The following STK32B variants were observed in gnomAD, a reference collection of about 807,000 sequenced individuals.
STK32B encodes serine/threonine-protein kinase 32B.
Under a neutral mutation model 52.6 loss-of-function variants are expected in STK32B, and 43 were observed. That is an observed-to-expected ratio of 0.82 (90% CI 0.64 to 1.05). The LOEUF (loss-of-function observed/expected upper bound fraction) is 1.05. STK32B is among the 50% of genes least tolerant of loss of function. The pLI is 0.00. For synonymous variants in STK32B, 238 were observed against 204.3 expected (o/e 1.17, Z -1.41); for missense variants, 621 against 534.6 (o/e 1.16, Z -1.59).
At chr4:5,369,862 TA>T (rs200148476) in intron 4 of STK32B, among the ~76,000 whole-genome samples, 3,402 of 152,002 alleles carry the variant, frequency 0.022, 66 homozygotes, top group South Asian at 0.058. Flanking sequence ...TCAAAGAGTA[TA>T]TTTTTTTTGT....
At chr4:5,493,936 C>T (rs1719969428) in intron 11 of STK32B, among the ~76,000 whole-genome samples, 1 of 152,260 alleles carries the variant, frequency 6.6e-6, no homozygotes, top group Non-Finnish European at 1.5e-5. Context: ...GCACTGTGGT[C>T]TGAGAGACAG....
Position 5,470,964 on chromosome 4 carries a change from C to T in STK32B, c.1106+2894C>T, listed in dbSNP as rs1717808911. The stretch of plus-strand genomic sequence containing the variant: ...TTGTCGTCATGCTCCGCCTGGACCA[C>T]GTCCCCGGTCCCCAGCAGTTCCGCC... On this transcript the variant is annotated intron_variant, in intron 11 of 11. Coordinates refer to ENST00000282908, the MANE Select transcript of STK32B (RefSeq NM_018401.3). This position sits in a 1 kb window ranked among gnomAD's most constrained non-coding sequence, Gnocchi z 4.6. Among the ~76,000 whole-genome samples the T allele has an allele frequency of 6.6e-6, 1 of 152,236 alleles. No individual in the cohort carries two copies. The highest frequency in any genetic ancestry group is 2.4e-5 in the African/African-American group (1 of 41,470).
At chr4:5,381,534 G>A (rs1018819769) in intron 4 of STK32B, among the ~76,000 whole-genome samples, 63 of 152,342 alleles carry the variant, frequency 4.1e-4, no homozygotes, top group African/African-American at 1.5e-3. Flanking sequence ...CCAGTTCAGT[G>A]TGGCATGGAA....
chr4:5,445,099 C>T (rs1341586815), intron 6 of STK32B, among the ~76,000 whole-genome samples: 1 of 152,218 alleles, frequency 6.6e-6, no homozygotes, highest in Non-Finnish European at 1.5e-5. Context: ...TGCTGGCCCT[C>T]TCTGAACCTC....
chr4:5,482,713 G>T (rs1212675346), intron 11 of STK32B, among the ~76,000 whole-genome samples: 1 of 152,114 alleles, frequency 6.6e-6, no homozygotes, highest in Non-Finnish European at 1.5e-5. Flanking sequence ...GTATGATATT[G>T]GCTGTGGGTT....
chr4:5,420,319 G>A (rs570303986), intron 6 of STK32B, among the ~76,000 whole-genome samples: 1 of 152,208 alleles, frequency 6.6e-6, no homozygotes, highest in African/African-American at 2.4e-5. Flanking sequence ...CTCCAACAAG[G>A]CTTTTTTTGT....
At chr4:5,421,924 G>A (rs1712682807) in intron 6 of STK32B, among the ~76,000 whole-genome samples, 1 of 152,172 alleles carries the variant, frequency 6.6e-6, no homozygotes, top group Non-Finnish European at 1.5e-5. Flanking sequence ...GCCAGAATTT[G>A]AAGCCAAGTC....
chr4:5,270,326 A>G (rs1727340463), intron 3 of STK32B, among the ~76,000 whole-genome samples: 1 of 152,206 alleles, frequency 6.6e-6, no homozygotes, highest in Non-Finnish European at 1.5e-5. Context: ...GGAAGCATCC[A>G]GCACTGGAGA....
intron 5 of STK32B, among the ~76,000 whole-genome samples, chr4:5,409,146 A>G (rs1737861761): frequency 6.6e-6 from 1 of 152,106 alleles, no homozygotes; most frequent in Non-Finnish European, 1.5e-5. Context: ...CTTGGCTTTC[A>G]TGAAGTCTCA....
chr4:5,226,506 G>A (rs1723883493), intron 3 of STK32B, among the ~76,000 whole-genome samples: 1 of 152,146 alleles, frequency 6.6e-6, no homozygotes, highest in African/African-American at 2.4e-5. Flanking sequence ...TCTCATGCCT[G>A]CCCCGTCCAT....
At chr4:5,442,669 C>T (rs1296410651) in intron 6 of STK32B, among the ~76,000 whole-genome samples, 1 of 151,988 alleles carries the variant, frequency 6.6e-6, no homozygotes, top group African/African-American at 2.4e-5. Context: ...GGTTATTTTG[C>T]TCGTTAGTTG....
chr4:5,317,213 A>ACATATATATATTATATATATAG (rs1731059738), intron 3 of STK32B, among the ~76,000 whole-genome samples: 1 of 60,108 alleles, frequency 1.7e-5, no homozygotes, highest in Admixed American at 2.9e-4. Flanking sequence ...TATATATATA[A>ACATATATATATTATATATATAG]CATATATATA....
chr4:5,350,961 T>C (rs984685673), intron 4 of STK32B, among the ~76,000 whole-genome samples: 3 of 152,022 alleles, frequency 2.0e-5, no homozygotes, highest in African/African-American at 7.2e-5. Flanking sequence ...CACCCAGATA[T>C]ATAAAGCAAA....
At chr4:5,237,957 C>T (rs1724744966) in intron 3 of STK32B, among the ~76,000 whole-genome samples, 1 of 152,106 alleles carries the variant, frequency 6.6e-6, no homozygotes, top group African/African-American at 2.4e-5. Context: ...CAGTTGGAGG[C>T]CCTTTTTGCC....
chr4:5,163,538 C>CTCTGTG (rs1718614676), intron 2 of STK32B, among the ~76,000 whole-genome samples: 1 of 139,336 alleles, frequency 7.2e-6, no homozygotes, highest in Non-Finnish European at 1.6e-5. Flanking sequence ...AGAGTGAAGG[C>CTCTGTG]TGTGTGTGTG....
chr4:5,214,114 G>T (rs140222073), intron 3 of STK32B: 1 of 152,248 alleles, frequency 6.6e-6, no homozygotes, highest in African/African-American at 2.4e-5. Flanking sequence ...TCATGTTGGG[G>T]GAGGGACCTG....
In STK32B at chr4:5,085,238, T is replaced by C. The variant is rs147545507; in HGVS notation, c.52+33323T>C. On this transcript the variant is annotated intron_variant, in intron 1 of 11. Transcript: ENST00000282908. ...TTCTTTGTGTATAAAATAGGAAATA[T>C]GTTGTGTGGTGGTATGAATAACAAA... is the stretch of plus-strand genomic sequence containing the variant. Among the ~76,000 whole-genome samples, 7 of 152,352 alleles carry C rather than the reference T, an allele frequency of 4.6e-5. No homozygotes were observed. In the East Asian group the frequency reaches 5.8e-4, roughly 13 times the overall value.
intron 3 of STK32B, among the ~76,000 whole-genome samples, chr4:5,269,135 C>T (rs1247023156): frequency 1.3e-5 from 2 of 152,018 alleles, no homozygotes; most frequent in East Asian, 3.9e-4. Context: ...ACAGAGACCT[C>T]GAGAGATATG....
chr4:5,197,954 A>G (rs1329722970), intron 3 of STK32B, among the ~76,000 whole-genome samples: 3 of 151,928 alleles, frequency 2.0e-5, no homozygotes, highest in African/African-American at 7.3e-5. Flanking sequence ...TTTTTTTTCC[A>G]GCAAATAATA....
Sources: allele counts gnomAD v4.1 joint callset (sites outside exome capture counted in the v4.1 genomes callset), GRCh38; gene constraint gnomAD v4.1.1; non-coding constraint Gnocchi (gnomAD v3.1); transcripts MANE v1.5; gene names NCBI Gene and HGNC (gene_info 2026-07-23, HGNC 2026-07-21).